MCPH1: variants seen among roughly 807,000 people sequenced by gnomAD.
The protein encoded by MCPH1 is microcephalin 1, also known as microcephalin.
Under a neutral mutation model 84.5 loss-of-function variants are expected in MCPH1, and 104 were observed. That is an observed-to-expected ratio of 1.23 (90% CI 1.05 to 1.45). MCPH1 has a LOEUF of 1.45. Among genes scored for constraint, MCPH1 ranks in the 40% most tolerant of loss-of-function variants. MCPH1 has a pLI of 0.00. For synonymous variants in MCPH1, 514 were observed against 366.8 expected (o/e 1.40, Z -4.58); for missense variants, 1,498 against 1,005.7 (o/e 1.49, Z -6.62).
chr8:6,646,201 G>A lies in MCPH1; in HGVS notation c.*3152G>A, dbSNP rs1461779700. 1 of 152,160 alleles carries A rather than the reference G, an allele frequency of 6.6e-6. No homozygotes were observed. The highest frequency in any genetic ancestry group is 6.5e-5 in the Admixed American group (1 of 15,270). The allele number at this position is 152,160 out of a possible 1,614,324, so 9.4% of individuals were successfully genotyped here. On this transcript the variant is annotated 3_prime_UTR_variant, in exon 14 of 14. Coordinates refer to ENST00000344683, the MANE Select transcript of MCPH1 (RefSeq NM_024596.5). ...GCTCTCTGGGAGGCTGAGGCGGGTG[G>A]ATCACTTGAAGTCGGGAGTTTAAGA...
chr8:6,501,311 G>C (rs922817333), intron 12 of MCPH1: 3 of 152,154 alleles, frequency 2.0e-5, no homozygotes, highest in Non-Finnish European at 4.4e-5. Flanking sequence ...AAAAATAATG[G>C]TAGAACACTG....
chr8:6,474,291 CT>C (rs1200228518), intron 9 of MCPH1: 2 of 525,064 alleles, frequency 3.8e-6, no homozygotes, highest in African/African-American at 3.8e-5. Flanking sequence ...GATTTTGATT[CT>C]GATATGTGGT....
At chr8:6,508,569 G>C (rs1814267323) in intron 12 of MCPH1, 1 of 412,596 alleles carries the variant, frequency 2.4e-6, no homozygotes, top group Non-Finnish European at 4.2e-6. Context: ...TACTGTTGTG[G>C]TTGCTACTTG....
intron 12 of MCPH1, chr8:6,501,310 G>A (rs1812127758): frequency 6.6e-6 from 1 of 152,104 alleles, no homozygotes; most frequent in Admixed American, 6.5e-5. Context: ...AAAAAATAAT[G>A]GTAGAACACT....
At chr8:6,539,489 C>G (rs930161449) in intron 12 of MCPH1, among the ~76,000 whole-genome samples, 2 of 152,182 alleles carry the variant, frequency 1.3e-5, no homozygotes, top group Non-Finnish European at 2.9e-5. Flanking sequence ...CTTCACCTGC[C>G]CTGACCACAT....
chr8:6,552,077 A>T (rs1413107597), intron 12 of MCPH1, among the ~76,000 whole-genome samples: 1 of 152,220 alleles, frequency 6.6e-6, no homozygotes, highest in Non-Finnish European at 1.5e-5. Flanking sequence ...AACCCAAAGA[A>T]AATCAGAGGA....
rs1164449977 is a variant in MCPH1 at position 6,409,271 on chromosome 8, G to T, written c.23-8G>T. ...AATGTATGTTTCATGTTCATATCTT[G>T]TTTTCAGATGTAGTGGCCTATGTTG... On this transcript the variant is annotated splice_polypyrimidine_tract_variant and splice_region_variant and intron_variant, in intron 1 of 13. Coordinates refer to ENST00000344683, the MANE Select transcript of MCPH1 (RefSeq NM_024596.5). The T allele has an allele frequency of 1.9e-6, 3 of 1,605,896 alleles. No homozygotes were observed. Among genetic ancestry groups the T allele is most frequent in the Non-Finnish European group, 2.6e-6 (3 of 1,172,484 alleles).
intron 12 of MCPH1, among the ~76,000 whole-genome samples, chr8:6,532,844 C>A (rs1819786210): frequency 6.6e-6 from 1 of 152,112 alleles, no homozygotes; most frequent in Non-Finnish European, 1.5e-5. Context: ...TCTGTCCTAC[C>A]CAGCTGCAAC....
At chr8:6,456,963 A>T (rs1032882059) in intron 9 of MCPH1, among the ~76,000 whole-genome samples, 2 of 152,006 alleles carry the variant, frequency 1.3e-5, no homozygotes, top group Non-Finnish European at 2.9e-5. Context: ...TACCTGTTTG[A>T]CCTTCTGGCA....
chr8:6,416,159 C>T (rs1006201921), intron 3 of MCPH1, among the ~76,000 whole-genome samples: 7 of 152,082 alleles, frequency 4.6e-5, no homozygotes, highest in African/African-American at 7.2e-5. Context: ...ATTTGCTTAA[C>T]TTGTTTATTA....
intron 12 of MCPH1, among the ~76,000 whole-genome samples, chr8:6,554,308 G>C (rs548483606): frequency 1.5e-4 from 21 of 143,012 alleles, no homozygotes; most frequent in African/African-American, 5.3e-4. Context: ...TAAAAAGAGA[G>C]AAAAAAAAAA....
intron 12 of MCPH1, among the ~76,000 whole-genome samples, chr8:6,531,779 G>A (rs1819565768): frequency 1.6e-5 from 2 of 128,596 alleles, no homozygotes; most frequent in Non-Finnish European, 3.4e-5. Context: ...CCATGGCAGC[G>A]CTCAGGGCTC....
chr8:6,623,187 C>A (rs770089959), intron 13 of MCPH1, among the ~76,000 whole-genome samples: 54 of 151,976 alleles, frequency 3.6e-4, no homozygotes, highest in East Asian at 3.9e-4. Flanking sequence ...TTTTTCAAGG[C>A]CCCATCTCCA....
At chr8:6,604,955 T>C (rs761867213) in intron 12 of MCPH1, among the ~76,000 whole-genome samples, 1 of 152,230 alleles carries the variant, frequency 6.6e-6, no homozygotes, top group East Asian at 1.9e-4. Context: ...TCAAACACTT[T>C]CAAAAGGAAA....
At chr8:6,514,959 G>T (rs1194367038) in intron 12 of MCPH1, among the ~76,000 whole-genome samples, 4 of 152,180 alleles carry the variant, frequency 2.6e-5, no homozygotes, top group Admixed American at 1.3e-4. Flanking sequence ...TAAATTGAAA[G>T]TGATGGATTA....
At chr8:6,423,024 T>C (rs910964703) in intron 3 of MCPH1, among the ~76,000 whole-genome samples, 7 of 151,222 alleles carry the variant, frequency 4.6e-5, no homozygotes, top group Admixed American at 2.0e-4. Context: ...GGTTTCACCA[T>C]GTTGGCCAGG....
chr8:6,588,264 G>A (rs1474508429), intron 12 of MCPH1, among the ~76,000 whole-genome samples: 1 of 152,090 alleles, frequency 6.6e-6, no homozygotes, highest in African/African-American at 2.4e-5. Flanking sequence ...TTTTTCCAGA[G>A]CCAGGCCAGC....
At chr8:6,615,140 G>A (rs1204082137) in intron 12 of MCPH1, among the ~76,000 whole-genome samples, 1 of 152,150 alleles carries the variant, frequency 6.6e-6, no homozygotes, top group Non-Finnish European at 1.5e-5. Flanking sequence ...GATCCCCTGG[G>A]CTGCATTCAC....
intron 12 of MCPH1, among the ~76,000 whole-genome samples, chr8:6,573,960 A>G (rs1445330030): frequency 2.6e-5 from 4 of 152,226 alleles, no homozygotes; most frequent in African/African-American, 4.8e-5. Context: ...GAAGCAAATG[A>G]AAATCCTTTC....
Sources: allele counts gnomAD v4.1 joint callset (sites outside exome capture counted in the v4.1 genomes callset), GRCh38; gene constraint gnomAD v4.1.1; transcripts MANE v1.5; gene names NCBI Gene and HGNC (gene_info 2026-07-23, HGNC 2026-07-21).